DCDC1: variants seen among roughly 807,000 people sequenced by gnomAD.
The protein encoded by DCDC1 is doublecortin domain-containing protein 1.
DCDC1 carries 200 observed loss-of-function variants against 178.3 expected under a neutral mutation model. The observed-to-expected ratio is 1.12, with a 90% CI of 1.00 to 1.26. The LOEUF (loss-of-function observed/expected upper bound fraction) is 1.26. Ranked by LOEUF, DCDC1 falls within the 50% of genes most tolerant of loss-of-function variation. DCDC1 has a pLI of 0.00. For synonymous variants in DCDC1, 690 were observed against 604.8 expected, an observed-to-expected ratio of 1.14 and a Z score of -2.07; for missense variants, 1,983 against 1,749.2, an observed-to-expected ratio of 1.13 and a Z score of -2.38.
intron 3 of DCDC1, among the ~76,000 whole-genome samples, chr11:31,321,621 C>T (rs1565606219): frequency 1.3e-5 from 2 of 152,124 alleles, no homozygotes; most frequent in African/African-American, 4.8e-5. Flanking sequence ...TCTTCTGCGT[C>T]GCTCACGCTG....
chr11:31,072,099 T>C lies in DCDC1; in HGVS notation c.2298+5766A>G, dbSNP rs548115054. Among the ~76,000 whole-genome samples the C allele has an allele frequency of 1.5e-4, 23 of 152,326 alleles. No homozygotes were observed. The South Asian group carries it at 4.3e-3, about 29-fold the overall frequency. ...CATAAAATGAGTGTGTTAGTTTTCT[T>C]TTATCTTTATCAGCATTGTATATTC... On this transcript the variant is annotated intron_variant, in intron 18 of 38. Transcript: ENST00000684477.
At chr11:31,116,974 G>A (rs1199481876) in intron 11 of DCDC1, among the ~76,000 whole-genome samples, 4 of 152,032 alleles carry the variant, frequency 2.6e-5, no homozygotes, top group Non-Finnish European at 4.4e-5. Flanking sequence ...TCACCATTTC[G>A]AAGTATGTAA....
intron 20 of DCDC1, among the ~76,000 whole-genome samples, chr11:30,978,592 C>G (rs1460775586): frequency 1.3e-5 from 2 of 151,894 alleles, no homozygotes; most frequent in Non-Finnish European, 1.5e-5. Flanking sequence ...TATCCATTAC[C>G]TCAAGTGTTT....
At chr11:30,917,157 G>T (rs1714138870) in intron 25 of DCDC1, 129 bp from the exon 26 acceptor site, 3 of 856,224 alleles carry the variant, frequency 3.5e-6, no homozygotes, top group Non-Finnish European at 4.9e-6. Flanking sequence ...TTCCATAAGG[G>T]TGCCTAATAC....
intron 7 of DCDC1, among the ~76,000 whole-genome samples, chr11:31,281,597 C>T (rs750871458): frequency 1.8e-4 from 28 of 151,988 alleles, no homozygotes; most frequent in Non-Finnish European, 3.4e-4. Context: ...GGCTCTGTGT[C>T]CCCACCCATA....
At chr11:31,160,361 T>G (rs1034538324) in intron 9 of DCDC1, among the ~76,000 whole-genome samples, 4 of 152,198 alleles carry the variant, frequency 2.6e-5, no homozygotes, top group South Asian at 2.1e-4. Context: ...TTGTTTCTAA[T>G]AACCCTTTAT....
chr11:31,292,894 T>C (rs1404189105), intron 6 of DCDC1, among the ~76,000 whole-genome samples: 1 of 152,130 alleles, frequency 6.6e-6, no homozygotes, highest in Non-Finnish European at 1.5e-5. Context: ...GAATGAATTA[T>C]TGTAGTGTAA....
At chr11:30,915,462 G>T in intron 27 of DCDC1, 49 bp downstream of exon 27, 2 of 1,598,534 alleles carry the variant, frequency 1.3e-6, no homozygotes, top group Non-Finnish European at 1.7e-6. Flanking sequence ...AGACTTATTA[G>T]GATCCTATTC....
intron 9 of DCDC1, among the ~76,000 whole-genome samples, chr11:31,142,362 G>A (rs2136033978): frequency 6.6e-6 from 1 of 152,286 alleles, no homozygotes; most frequent in South Asian, 2.1e-4. Flanking sequence ...TGAAAAGTTT[G>A]AATGTATAAA....
chr11:31,020,241 C>T (rs1952779155), intron 20 of DCDC1, among the ~76,000 whole-genome samples: 2 of 152,176 alleles, frequency 1.3e-5, no homozygotes, highest in Non-Finnish European at 2.9e-5. Context: ...AACAGCTCTT[C>T]TGGTCAATTC....
intron 34 of DCDC1, 48 bp from the exon 35 acceptor site, chr11:30,894,432 A>C: frequency 6.3e-7 from 1 of 1,598,666 alleles, no homozygotes; most frequent in East Asian, 2.2e-5. Flanking sequence ...ATAGGCTTTC[A>C]GATTTCAAAT....
At chr11:31,041,439 A>C (rs1392171513) in intron 20 of DCDC1, among the ~76,000 whole-genome samples, 6 of 152,234 alleles carry the variant, frequency 3.9e-5, no homozygotes, top group Admixed American at 2.0e-4. Context: ...GTACTATTCC[A>C]AATGCCTTAT....
intron 9 of DCDC1, among the ~76,000 whole-genome samples, chr11:31,139,919 T>C (rs1008343009): frequency 6.6e-6 from 1 of 152,170 alleles, no homozygotes; most frequent in Non-Finnish European, 1.5e-5. Context: ...GTCATCAAAA[T>C]ATAAGGATAC....
chr11:31,144,674 T>C (rs1964246405), intron 9 of DCDC1, among the ~76,000 whole-genome samples: 3 of 152,186 alleles, frequency 2.0e-5, no homozygotes, highest in Admixed American at 2.0e-4. Context: ...GAACTTTTTT[T>C]CTATGTATTT....
intron 12 of DCDC1, 127 bp downstream of exon 12, chr11:31,110,133 A>G (rs1330434634): frequency 8.8e-6 from 5 of 571,246 alleles, no homozygotes; most frequent in Non-Finnish European, 1.3e-5. Flanking sequence ...AATCTTTGTG[A>G]TATCAGTCTT....
In DCDC1 at chr11:30,943,697, A is replaced by C. The variant is rs1181128087; in HGVS notation, c.2715+8748T>G. The stretch of plus-strand genomic sequence containing the variant: ...GAACTTAGTCACAAAAGAAACCAAA[A>C]GAATTTATTAATGTTGGTTTTCAAT... On this transcript the variant is annotated intron_variant, in intron 21 of 38. Coordinates refer to ENST00000684477, the MANE Select transcript of DCDC1 (RefSeq NM_001387274.1). 4 of 447,484 alleles carry C rather than the reference A, an allele frequency of 8.9e-6. No homozygotes were observed. The East Asian group carries it at 2.8e-4, about 31-fold the overall frequency. The allele number at this position is 447,484 out of a possible 1,614,324, so 27.7% of individuals were successfully genotyped here. A position where few individuals can be genotyped will look rare whatever the true frequency, so the allele number is the denominator to read the frequency against.
chr11:31,030,539 G>C (rs967473816), intron 20 of DCDC1, among the ~76,000 whole-genome samples: 14 of 152,106 alleles, frequency 9.2e-5, no homozygotes, highest in African/African-American at 3.4e-4. Context: ...TGGGCCCCCA[G>C]CTGAGTTGCA....
chr11:31,224,004 TG>T (rs1214348008), intron 9 of DCDC1, among the ~76,000 whole-genome samples: 1 of 151,980 alleles, frequency 6.6e-6, no homozygotes, highest in African/African-American at 2.4e-5. Context: ...GCTAGTCTCA[TG>T]ATAGTGAATA....
At chr11:31,124,882 G>C (rs192050835) in intron 11 of DCDC1, among the ~76,000 whole-genome samples, 7 of 152,214 alleles carry the variant, frequency 4.6e-5, no homozygotes, top group Non-Finnish European at 1.0e-4. Context: ...AAGATTTTAT[G>C]ATGAAATCAC....
Sources: allele counts gnomAD v4.1 joint callset (sites outside exome capture counted in the v4.1 genomes callset), GRCh38; gene constraint gnomAD v4.1.1; transcripts MANE v1.5; gene names NCBI Gene and HGNC (gene_info 2026-07-23, HGNC 2026-07-21).